The following RASAL3 variants were observed in gnomAD, a reference collection of about 807,000 sequenced individuals.
RASAL3 encodes RAS protein activator like 3.
A neutral mutation model predicts 105.5 loss-of-function variants in RASAL3; 74 were observed. The ratio of observed to expected loss-of-function variants is 0.70; its 90% CI spans 0.58 to 0.85. The LOEUF is 0.85. RASAL3 is among the 40% of genes least tolerant of loss of function. The probability of loss-of-function intolerance (pLI) is 0.00; values close to 1 mark genes in which losing one functional copy is unlikely to be tolerated. For missense variants in RASAL3, 1,352 were observed against 1,392.0 expected (o/e 0.97, Z 0.46); for synonymous variants, 579 against 591.6 (o/e 0.98, Z 0.31).
chr19:15,452,495 C>T, intron 16 of RASAL3, 163 bp downstream of exon 16: 1 of 615,094 alleles, frequency 1.6e-6, no homozygotes, highest in Admixed American at 3.6e-5. Context: ...CACCTGGGGG[C>T]GGGGCTTGCC....
Position 15,456,250 on chromosome 19 carries a change from T to C in RASAL3, c.1577-2A>G, listed in dbSNP as rs1970315048. Reference sequence around the variant, plus strand: ...CACAGAGACGCCGCACAACCTGTCCTGCAGCCCAGCACAGCCAGATAGGGG... The same window carrying C: ...CACAGAGACGCCGCACAACCTGTCCCGCAGCCCAGCACAGCCAGATAGGGG... On this transcript the variant is annotated splice_acceptor_variant, in intron 10 of 17. Transcript: ENST00000343625. LOFTEE classifies it high-confidence loss of function. This position sits in a 1 kb window ranked among gnomAD's most constrained non-coding sequence, Gnocchi z 4.4. The C allele has an allele frequency of 6.2e-7, 1 of 1,613,050 alleles. No individual in the cohort carries two copies.
chr19:15,456,843 C>A lies in RASAL3; in HGVS notation c.1432-197G>T. The A allele has an allele frequency of 1.5e-6, 1 of 675,762 alleles. No individual in the cohort carries two copies. The highest frequency in any genetic ancestry group is 2.5e-6 in the Non-Finnish European group (1 of 406,588). 41.9% of individuals were successfully genotyped at this position (675,762 alleles called of 1,614,324 possible). ...CAGCAGAAATTTAAGCCTTTCAGCG[C>A]TGAGGTGCAACCTGGGCCCCGCCCC... On this transcript the variant is annotated intron_variant, in intron 9 of 17. Transcript: ENST00000343625. This position sits in a 1 kb window ranked among gnomAD's most constrained non-coding sequence, Gnocchi z 4.4.
In RASAL3 at chr19:15,458,205, T is replaced by G. The variant is rs1162197664; in HGVS notation, c.888+123A>C. The G allele has an allele frequency of 9.4e-6, 8 of 850,524 alleles. No individual in the cohort carries two copies. The East Asian group carries it at 2.1e-4, about 23-fold the overall frequency. 52.7% of individuals were successfully genotyped at this position (850,524 alleles called of 1,614,324 possible). A position where few individuals can be genotyped will look rare whatever the true frequency, so the allele number is the denominator to read the frequency against. On this transcript the variant is annotated intron_variant, in intron 8 of 17. Coordinates refer to ENST00000343625, the MANE Select transcript of RASAL3 (RefSeq NM_022904.3). ...GGGAGTCTTGGAGCCGTTGCAACGATGCAGGCGGGGCAGGTGTGTTGGGGG... is the reference window on the plus strand; with the variant it reads ...GGGAGTCTTGGAGCCGTTGCAACGAGGCAGGCGGGGCAGGTGTGTTGGGGG...
At position 15,457,494 on chromosome 19, in the gene RASAL3, G is replaced by A; in HGVS notation, c.1229C>T (p.Pro410Leu). Residue 410 changes from proline to leucine, a missense_variant, in exon 9 of 18, where the codon CCG becomes CTG. Around this residue, in one of 3 missense-constraint regions of RASAL3, gnomAD observed 920 missense variants for 919.6 expected, o/e 1.00. Transcript: ENST00000343625. This position sits in a 1 kb window ranked among gnomAD's most constrained non-coding sequence, Gnocchi z 8.6. ...LERWFPLLGAPAGAALRARIR... is the reference protein window; with the variant it reads ...LERWFPLLGALAGAALRARIR... Reference sequence around the variant, plus strand: ...CCGCGCCCGCAGCGCTGCGCCCGCCGGCGCCCCGAGCAGCGGGAACCAGCG... The same window carrying A: ...CCGCGCCCGCAGCGCTGCGCCCGCCAGCGCCCCGAGCAGCGGGAACCAGCG... The A allele has an allele frequency of 8.3e-7, 1 of 1,199,880 alleles. No homozygotes were observed. The highest frequency in any genetic ancestry group is 1.0e-6 in the Non-Finnish European group (1 of 962,632). 74.3% of individuals were successfully genotyped at this position (1,199,880 alleles called of 1,614,324 possible). A position where few individuals can be genotyped will look rare whatever the true frequency, so the allele number is the denominator to read the frequency against.
chr19:15,452,045 C>A lies in RASAL3; in HGVS notation c.2892G>T (p.Leu964=). Residue 964 remains leucine (L), a splice_region_variant and synonymous_variant, in exon 17 of 18, where the codon CTG becomes CTT. Transcript: ENST00000343625. ...TSNEGHSLKN[L]EHRLNEMERT... ...CCCAGGGCTCAGATGGCAATCTCAC[C>A]AGGTTTTTCAGACTGTGCCCTTCAT... The A allele has an allele frequency of 6.2e-7, 1 of 1,613,938 alleles. No individual in the cohort carries two copies. The highest frequency in any genetic ancestry group is 8.5e-7 in the Non-Finnish European group (1 of 1,179,848).
In RASAL3 at chr19:15,453,382, G is replaced by C; in HGVS notation, c.2395C>G (p.Arg799Gly). 2 of 1,466,700 alleles carry C rather than the reference G, an allele frequency of 1.4e-6. No individual in the cohort carries two copies. Among genetic ancestry groups the C allele is most frequent in the Non-Finnish European group, 9.0e-7 (1 of 1,116,080 alleles). 90.9% of individuals were successfully genotyped at this position (1,466,700 alleles called of 1,614,324 possible). A position where few individuals can be genotyped will look rare whatever the true frequency, so the allele number is the denominator to read the frequency against. The change falls in exon 15 of 18, where the codon CGG becomes GGG. Residue 799 changes from arginine to glycine, a missense_variant. Around this residue, in one of 3 missense-constraint regions of RASAL3, gnomAD observed 920 missense variants for 919.6 expected, o/e 1.00. Coordinates refer to ENST00000343625, the MANE Select transcript of RASAL3 (RefSeq NM_022904.3). This position sits in a 1 kb window ranked among gnomAD's most constrained non-coding sequence, Gnocchi z 4.2. ...GGCCGCTCTTCGTCCGGCCGTGGCC[G>C]GGCCCAACTCTCTGAGCGGCGAACG... is the stretch of plus-strand genomic sequence containing the variant. ...RSVRRSESWA[R>G]PRPDEERPLR...
chr19:15,457,428 T>A lies in RASAL3; in HGVS notation c.1295A>T (p.Tyr432Phe). 7.0e-7 allele frequency: 1 copy of A among 1,438,682 alleles called. No individual in the cohort carries two copies. Among genetic ancestry groups the A allele is most frequent in the Non-Finnish European group, 9.1e-7 (1 of 1,098,626 alleles). 89.1% of individuals were successfully genotyped at this position (1,438,682 alleles called of 1,614,324 possible). A position where few individuals can be genotyped will look rare whatever the true frequency, so the allele number is the denominator to read the frequency against. Residue 432 changes from tyrosine (Y) to phenylalanine (F), a missense_variant, in exon 9 of 18, where the codon TAC (tyrosine) becomes TTC (phenylalanine). Physicochemically the swap from Tyr to Phe is conservative, Grantham distance 22. This residue lies in a region of RASAL3 where 920 missense variants were observed against 919.6 expected (regional missense o/e 1.00). Coordinates refer to ENST00000343625, the MANE Select transcript of RASAL3 (RefSeq NM_022904.3). This position sits in a 1 kb window ranked among gnomAD's most constrained non-coding sequence, Gnocchi z 8.6. ...GGTGAGGAACTCCGCCAGCTCCTTG[T>A]AGCGCTCGGACGGCAGCACGCGCAG... is the stretch of plus-strand genomic sequence containing the variant. ...RRLRVLPSER[Y>F]KELAEFLTFH...
Position 15,456,349 on chromosome 19 carries a change from A to G in RASAL3, c.1577-101T>C. ...CTTCAGGTTATTCCGGAGGCACCCA[A>G]CATCTTGGGGAGCTCCCAATTGTCC... On this transcript the variant is annotated intron_variant, in intron 10 of 17. Transcript: ENST00000343625. The surrounding 1 kb of genome is among the most constrained non-coding windows in gnomAD (Gnocchi z 4.4). 3.9e-6 allele frequency: 6 copies of G among 1,544,838 alleles called. No homozygotes were observed. Among genetic ancestry groups the G allele is most frequent in the Non-Finnish European group, 5.3e-6 (6 of 1,140,316 alleles).
At position 15,457,239 on chromosome 19, in the gene RASAL3, G is replaced by T. The variant is rs2145469066; in HGVS notation, c.1431+53C>A. ...CTGCGCCCCAACTCCTGCCCGAAGC[G>T]CGTTATCGGTCTACCCCTGGTAGCC... On this transcript the variant is annotated intron_variant, in intron 9 of 17. Coordinates refer to ENST00000343625, the MANE Select transcript of RASAL3 (RefSeq NM_022904.3). The surrounding 1 kb of genome is among the most constrained non-coding windows in gnomAD (Gnocchi z 8.6). 1 of 1,227,022 alleles carries T rather than the reference G, an allele frequency of 8.1e-7. No homozygotes were observed. Among genetic ancestry groups the T allele is most frequent in the Non-Finnish European group, 1.0e-6 (1 of 978,602 alleles). 76.0% of individuals were successfully genotyped at this position (1,227,022 alleles called of 1,614,324 possible).
intron 2 of RASAL3, among the ~76,000 whole-genome samples, chr19:15,463,738 AG>A (rs779169220): frequency 6.6e-6 from 1 of 152,134 alleles, no homozygotes; most frequent in Non-Finnish European, 1.5e-5. Flanking sequence ...GAGCCATTGA[AG>A]GAGAGACCCG....
chr19:15,458,299 C>T, intron 8 of RASAL3, 29 bp downstream of exon 8: 2 of 1,599,924 alleles, frequency 1.3e-6, no homozygotes, highest in East Asian at 2.3e-5. Context: ...GGCGGGGTCT[C>T]CGTGTCCCGC....
chr19:15,453,068 G>A lies in RASAL3; in HGVS notation c.2670+39C>T. On this transcript the variant is annotated intron_variant, in intron 15 of 17. Transcript: ENST00000343625. This position sits in a 1 kb window ranked among gnomAD's most constrained non-coding sequence, Gnocchi z 4.2. ...TTCAGTCTTCCCCAGTCGCGTCCCT[G>A]TTCCCACTCCCCAGGCGCGGACCTG... The A allele has an allele frequency of 6.2e-7, 1 of 1,611,628 alleles. No individual in the cohort carries two copies. The highest frequency in any genetic ancestry group is 1.1e-5 in the South Asian group (1 of 90,770).
Position 15,457,784 on chromosome 19 carries a change from C to A in RASAL3, c.939G>T (p.Ala313=). 1 of 1,548,166 alleles carries A rather than the reference C, an allele frequency of 6.5e-7. No homozygotes were observed. The change falls in exon 9 of 18, where the codon GCG becomes GCT. Residue 313 remains alanine (A), a synonymous_variant. Coordinates refer to ENST00000343625, the MANE Select transcript of RASAL3 (RefSeq NM_022904.3). This position sits in a 1 kb window ranked among gnomAD's most constrained non-coding sequence, Gnocchi z 8.6. The stretch of plus-strand genomic sequence containing the variant: ...CCGCCGCTGCTCGGGGAAGCCCCTT[C>A]GCTTCGTGCACCCACACGCTCAGCC... The part of the protein sequence containing the change: ...ETWLSVWVHE[A]KGLPRAAAGA...
In RASAL3 at chr19:15,461,470, CCTCCTCCT is replaced by C; in HGVS notation, c.458_465del (p.Glu153GlyfsTer11). The C allele has an allele frequency of 6.5e-7, 1 of 1,548,944 alleles. No individual in the cohort carries two copies. The highest frequency in any genetic ancestry group is 1.2e-5 in the South Asian group (1 of 83,942). On this transcript the variant is annotated frameshift_variant and splice_region_variant, in exon 3 of 18. Transcript: ENST00000343625. LOFTEE classifies it high-confidence loss of function. ...CCCCTTTCCCAGGTGCCCCCTCTCA[CCTCCTCCT>C]CTCCTCCAAGCAGCACCAGCTTCCC...
rs8112873 is a variant in RASAL3 at position 15,460,958 on chromosome 19, A to G, written c.606+102T>C. ...GGGACTCTGAGGCCCAAAGAGGGTCAGCAACCTGCTCCAGATCACCCAGCA... is the reference window on the plus strand; with the variant it reads ...GGGACTCTGAGGCCCAAAGAGGGTCGGCAACCTGCTCCAGATCACCCAGCA... On this transcript the variant is annotated intron_variant, in intron 5 of 17. Transcript: ENST00000343625. 6.2e-5 allele frequency: 67 copies of G among 1,076,504 alleles called. No individual in the cohort carries two copies. The African/African-American group carries it at 9.8e-4, about 16-fold the overall frequency. The allele number at this position is 1,076,504 out of a possible 1,614,324, so 66.7% of individuals were successfully genotyped here.
intron 6 of RASAL3, among the ~76,000 whole-genome samples, chr19:15,459,141 G>T (rs1970428847): frequency 6.6e-6 from 1 of 151,882 alleles, no homozygotes; most frequent in South Asian, 2.1e-4. Context: ...GTTTCACCAT[G>T]TTGGCCAGGC....
Position 15,457,321 on chromosome 19 carries a change from G to A in RASAL3, c.1402C>T (p.Arg468Cys). Residue 468 changes from arginine (R) to cysteine (C), a missense_variant, in exon 9 of 18, where the codon CGC becomes TGC. By Grantham distance (180) the Arg-to-Cys change is radical. Coordinates refer to ENST00000343625, the MANE Select transcript of RASAL3 (RefSeq NM_022904.3). The surrounding 1 kb of genome is among the most constrained non-coding windows in gnomAD (Gnocchi z 8.6). Reference protein sequence around the residue: ...AKEELAAAMVRVLRATGRAQA... With the variant: ...AKEELAAAMVCVLRATGRAQA... ...GCCCGGCCGGTGGCCCGCAGCACGCGCACCATGGCTGCCGCCAGCTCCTCC... is the reference window on the plus strand; with the variant it reads ...GCCCGGCCGGTGGCCCGCAGCACGCACACCATGGCTGCCGCCAGCTCCTCC... 1 of 1,345,256 alleles carries A rather than the reference G, an allele frequency of 7.4e-7. No individual in the cohort carries two copies. Among genetic ancestry groups the A allele is most frequent in the Non-Finnish European group, 9.5e-7 (1 of 1,052,146 alleles). 83.3% of individuals were successfully genotyped at this position (1,345,256 alleles called of 1,614,324 possible).
intron 6 of RASAL3, among the ~76,000 whole-genome samples, chr19:15,459,475 C>A (rs762456391): frequency 2.7e-5 from 4 of 150,088 alleles, no homozygotes; most frequent in Non-Finnish European, 4.4e-5. Flanking sequence ...GAACTCCTGA[C>A]CTCAAATGTT....
rs751807389 is a variant in RASAL3, at chr19:15,454,196, C to G, written c.2232G>C (p.Val744=). 1.3e-6 allele frequency: 2 copies of G among 1,570,734 alleles called. No homozygotes were observed. The highest frequency in any genetic ancestry group is 1.7e-6 in the Non-Finnish European group (2 of 1,157,616). The part of the protein sequence containing the change: ...RAIEEGQPVL[V]SVPMRLPLPP... The stretch of plus-strand genomic sequence containing the variant: ...GCAGTGGGAGACGCATTGGCACTGA[C>G]ACAAGCACAGGCTGGCCCTCCTCAA... Residue 744 remains valine (V), a synonymous_variant, in exon 14 of 18, where the codon GTG becomes GTC. Transcript: ENST00000343625.
Sources: allele counts gnomAD v4.1 joint callset (sites outside exome capture counted in the v4.1 genomes callset), GRCh38; gene constraint gnomAD v4.1.1; regional missense constraint gnomAD v4.1.1; non-coding constraint Gnocchi (gnomAD v3.1); transcripts MANE v1.5; gene names NCBI Gene and HGNC (gene_info 2026-07-23, HGNC 2026-07-21).